THSD4: variants seen among roughly 807,000 people sequenced by gnomAD.
THSD4 encodes thrombospondin type 1 domain containing 4, also known as thrombospondin type-1 domain-containing protein 4.
A neutral mutation model predicts 119.0 loss-of-function variants in THSD4; 69 were observed. The ratio of observed to expected loss-of-function variants is 0.58; its 90% confidence interval spans 0.48 to 0.71. The LOEUF (loss-of-function observed/expected upper bound fraction) is 0.71. Ranked by LOEUF, THSD4 falls within the 30% of genes least tolerant of loss-of-function variation. The probability of loss-of-function intolerance (pLI) is 0.00; values close to 1 mark genes in which losing one functional copy is unlikely to be tolerated. For missense variants in THSD4, 1,393 were observed against 1,391.1 expected (o/e 1.00, Z -0.02); for synonymous variants, 524 against 540.4 (o/e 0.97, Z 0.42).
At chr15:71,517,208 T>C (rs1035591110) in intron 7 of THSD4, among the ~76,000 whole-genome samples, 1 of 152,160 alleles carries the variant, frequency 6.6e-6, no homozygotes, top group African/African-American at 2.4e-5. Flanking sequence ...GCAAGACAAG[T>C]CAAAGCATCT....
At chr15:71,391,122 G>T (rs1396617422) in intron 6 of THSD4, among the ~76,000 whole-genome samples, 1 of 151,302 alleles carries the variant, frequency 6.6e-6, no homozygotes, top group Non-Finnish European at 1.5e-5. Context: ...TCCGCCTCCC[G>T]GGTTCACACC....
At chr15:71,174,477 G>C (rs931810741) in intron 3 of THSD4, among the ~76,000 whole-genome samples, 4 of 136,874 alleles carry the variant, frequency 2.9e-5, no homozygotes, top group Non-Finnish European at 6.3e-5. Context: ...ACCTGGCTCA[G>C]AGGGTCCTAC....
chr15:71,517,577 G>C (rs1223222380), intron 7 of THSD4, among the ~76,000 whole-genome samples: 1 of 152,156 alleles, frequency 6.6e-6, no homozygotes, highest in Non-Finnish European at 1.5e-5. Flanking sequence ...TGTGAATAAG[G>C]GATACCTCCT....
At chr15:71,345,860 T>C (rs1197354423) in intron 6 of THSD4, among the ~76,000 whole-genome samples, 3 of 152,086 alleles carry the variant, frequency 2.0e-5, no homozygotes, top group Admixed American at 6.5e-5. Context: ...TAAAGCCCTG[T>C]ACGAAGAGTT....
At chr15:71,570,842 C>T (rs2140899082) in intron 7 of THSD4, among the ~76,000 whole-genome samples, 1 of 152,318 alleles carries the variant, frequency 6.6e-6, no homozygotes, top group Non-Finnish European at 1.5e-5. Context: ...TTCATTCCAG[C>T]TGTGACAGCC....
chr15:71,225,682 A>C (rs2044012435), intron 4 of THSD4, among the ~76,000 whole-genome samples: 1 of 151,528 alleles, frequency 6.6e-6, no homozygotes, highest in African/African-American at 2.4e-5. Context: ...AGCTGGGACT[A>C]CAGGCACGTG....
chr15:71,780,972 C>A lies in THSD4; in HGVS notation c.*3598C>A. The A allele has an allele frequency of 2.9e-6, 1 of 345,440 alleles. No homozygotes were observed. The highest frequency in any genetic ancestry group is 2.3e-5 in the South Asian group (1 of 44,208). 21.4% of individuals were successfully genotyped at this position (345,440 alleles called of 1,614,324 possible). A position where few individuals can be genotyped will look rare whatever the true frequency, so the allele number is the denominator to read the frequency against. Reference sequence around the variant, plus strand: ...GGTTTTCTTTTCATTCGGATAGCCACTTTATAGTTGGAATATCAATTCTAA... The same window carrying A: ...GGTTTTCTTTTCATTCGGATAGCCAATTTATAGTTGGAATATCAATTCTAA... On this transcript the variant is annotated 3_prime_UTR_variant, in exon 18 of 18. Transcript: ENST00000261862.
intron 10 of THSD4, among the ~76,000 whole-genome samples, chr15:71,735,514 G>C (rs1197515916): frequency 1.4e-5 from 2 of 145,456 alleles, no homozygotes; most frequent in Non-Finnish European, 3.0e-5. Context: ...GTCCCTCTCT[G>C]TCTCTCTTAC....
chr15:71,724,632 G>A lies in THSD4; in HGVS notation c.1358-3917G>A, dbSNP rs564565663. Among the ~76,000 whole-genome samples, 185 of 152,176 alleles carry A rather than the reference G, an allele frequency of 1.2e-3. 2 individuals are homozygous for A. The highest frequency in any genetic ancestry group is 3.9e-3 in the Admixed American group (60 of 15,284). On this transcript the variant is annotated intron_variant, in intron 8 of 17. Coordinates refer to ENST00000261862, the MANE Select transcript of THSD4 (RefSeq NM_024817.3). ...AGCCATTGAAGAATTTTGAGCCATC[G>A]TTGGTAATCTAATCTACATTCTGAA...
chr15:71,714,614 GT>G (rs56109531), intron 8 of THSD4, among the ~76,000 whole-genome samples: 25,676 of 152,096 alleles, frequency 0.17, 2,362 homozygotes, highest in Middle Eastern at 0.22. Flanking sequence ...GGGAGGCCGA[GT>G]GGGGGTGGAT....
chr15:71,354,333 A>G (rs1596360811), intron 6 of THSD4, among the ~76,000 whole-genome samples: 1 of 152,160 alleles, frequency 6.6e-6, no homozygotes, highest in Non-Finnish European at 1.5e-5. Flanking sequence ...CTGAGGGGAG[A>G]GGCCAGGGAG....
At chr15:71,117,152 G>A (rs1483203467) in intron 1 of THSD4, among the ~76,000 whole-genome samples, 1 of 152,150 alleles carries the variant, frequency 6.6e-6, no homozygotes, top group Non-Finnish European at 1.5e-5. Context: ...TTCTTGTGGG[G>A]AGGCTGGCCA....
intron 7 of THSD4, among the ~76,000 whole-genome samples, chr15:71,640,123 C>T (rs1249032369): frequency 1.3e-5 from 2 of 152,134 alleles, no homozygotes; most frequent in South Asian, 2.1e-4. Context: ...CACTCTGTCA[C>T]CTAGGCTGGA....
chr15:71,559,681 G>A (rs2049081785), intron 7 of THSD4, among the ~76,000 whole-genome samples: 1 of 151,828 alleles, frequency 6.6e-6, no homozygotes, highest in African/African-American at 2.4e-5. Context: ...GACATATAAG[G>A]AACATTAATA....
At chr15:71,104,708 G>C (rs184653716) in intron 1 of THSD4, among the ~76,000 whole-genome samples, 8 of 152,264 alleles carry the variant, frequency 5.3e-5, no homozygotes, top group Admixed American at 1.3e-4. Flanking sequence ...CACTGGTTCG[G>C]CCCGAAAAGG....
intron 7 of THSD4, among the ~76,000 whole-genome samples, chr15:71,537,697 C>G (rs574582506): frequency 3.9e-5 from 6 of 152,164 alleles, no homozygotes; most frequent in African/African-American, 1.4e-4. Context: ...CTGATATTTT[C>G]AGTAAATGGA....
rs35056281 is a variant in THSD4 at position 71,782,251 on chromosome 15, AG to A, written c.*4886del. 75 of 149,676 alleles carry A rather than the reference AG, an allele frequency of 5.0e-4. No homozygotes were observed. The highest frequency in any genetic ancestry group is 1.6e-3 in the African/African-American group (66 of 40,662). 9.3% of individuals were successfully genotyped at this position (149,676 alleles called of 1,614,324 possible). ...TGTTCATTTCAGCAGATAATGATGG[AG>A]GGGGGGGGTGTCCATCGTGCTGAGG... is the stretch of plus-strand genomic sequence containing the variant. On this transcript the variant is annotated 3_prime_UTR_variant, in exon 18 of 18. Transcript: ENST00000261862.
At chr15:71,245,680 C>T (rs1037981195) in intron 5 of THSD4, among the ~76,000 whole-genome samples, 1 of 152,164 alleles carries the variant, frequency 6.6e-6, no homozygotes, top group Non-Finnish European at 1.5e-5. Flanking sequence ...CTCCCCTGTG[C>T]CCGGGGTTTT....
At chr15:71,281,947 A>C (rs1258613759) in intron 6 of THSD4, among the ~76,000 whole-genome samples, 1 of 152,178 alleles carries the variant, frequency 6.6e-6, no homozygotes, top group African/African-American at 2.4e-5. Flanking sequence ...CCTGACTCTG[A>C]TGTTCACCTG....
Sources: allele counts gnomAD v4.1 joint callset (sites outside exome capture counted in the v4.1 genomes callset), GRCh38; gene constraint gnomAD v4.1.1; transcripts MANE v1.5; gene names NCBI Gene and HGNC (gene_info 2026-07-23, HGNC 2026-07-21).